The following LRRC1 variants were observed in gnomAD, a reference collection of about 807,000 sequenced individuals.
LRRC1 encodes leucine-rich repeat-containing protein 1.
In LRRC1, 28 loss-of-function variants were observed where a neutral mutation model predicts 69.9. The ratio of observed to expected loss-of-function variants is 0.40; its 90% confidence interval spans 0.30 to 0.55. The LOEUF (loss-of-function observed/expected upper bound fraction) is 0.55, where lower values mean the gene tolerates loss of function less well. LRRC1 is among the 20% of genes least tolerant of loss of function. The pLI is 0.47. For missense variants in LRRC1, 498 were observed against 609.0 expected, an observed-to-expected ratio of 0.82 and a Z score of 1.92; for synonymous variants, 236 against 240.2, an observed-to-expected ratio of 0.98 and a Z score of 0.16.
chr6:53,864,537 T>C (rs1766634425), intron 2 of LRRC1, among the ~76,000 whole-genome samples: 1 of 152,156 alleles, frequency 6.6e-6, no homozygotes, highest in Non-Finnish European at 1.5e-5. Flanking sequence ...AGCCCTGCTC[T>C]TTCACATGTC....
At position 53,912,554 on chromosome 6, in the gene LRRC1, T is replaced by G. The variant is rs182180118; in HGVS notation, c.991-1300T>G. ...GAGACAAATGTTAGTCTACATTTAC[T>G]TATATATTTATTTTTCTTTTATATA... On this transcript the variant is annotated intron_variant, in intron 10 of 13. Coordinates refer to ENST00000370888, the MANE Select transcript of LRRC1 (RefSeq NM_018214.5). Among the ~76,000 whole-genome samples, 1,461 of 152,300 alleles carry G rather than the reference T, an allele frequency of 9.6e-3. 7 individuals are homozygous for G. Among genetic ancestry groups the G allele is most frequent in the Middle Eastern group, 0.034 (10 of 294 alleles).
Position 53,879,087 on chromosome 6 carries a change from A to C in LRRC1, c.356+16A>C, listed in dbSNP as rs754190741. 6.3e-7 allele frequency: 1 copy of C among 1,589,064 alleles called. No homozygotes were observed. Among genetic ancestry groups the C allele is most frequent in the African/African-American group, 1.3e-5 (1 of 74,426 alleles). ...CACTGACTAGGTAAGCTTTCTGCTT[A>C]CTTTTCTGTCTATACTAGTAAGAGT... On this transcript the variant is annotated intron_variant, in intron 3 of 13. Transcript: ENST00000370888.
At chr6:53,892,853 G>C (rs941372536) in intron 4 of LRRC1, among the ~76,000 whole-genome samples, 1 of 152,202 alleles carries the variant, frequency 6.6e-6, no homozygotes, top group African/African-American at 2.4e-5. Context: ...TTTCATTCTA[G>C]AATCACTTAG....
intron 4 of LRRC1, among the ~76,000 whole-genome samples, chr6:53,895,213 C>T (rs533005941): frequency 2.6e-5 from 4 of 152,088 alleles, no homozygotes; most frequent in African/African-American, 4.8e-5. Flanking sequence ...CCACCGCGCC[C>T]GGCTGGGAGT....
chr6:53,827,092 G>A (rs970260157), intron 1 of LRRC1, among the ~76,000 whole-genome samples: 1 of 152,106 alleles, frequency 6.6e-6, no homozygotes, highest in African/African-American at 2.4e-5. Flanking sequence ...CTTGTGCCTG[G>A]AGATTATGCA....
At chr6:53,817,506 C>T (rs1210839044) in intron 1 of LRRC1, among the ~76,000 whole-genome samples, 4 of 152,068 alleles carry the variant, frequency 2.6e-5, no homozygotes, top group Non-Finnish European at 5.9e-5. Flanking sequence ...TAGCTCTATT[C>T]ACCATGCTGT....
At position 53,887,737 on chromosome 6, in the gene LRRC1, G is replaced by A. The variant is rs559176311; in HGVS notation, c.446+4761G>A. 3.3e-5 allele frequency among the ~76,000 whole-genome samples: 5 copies of A among 152,032 alleles called. No individual in the cohort carries two copies. In the South Asian group the frequency reaches 8.3e-4, roughly 25 times the overall value. Reference sequence around the variant, plus strand: ...TCTTTCATGGCCCTAATGTTGTTTCGTGAACCTTTTTGCATATTTGCAATT... The same window carrying A: ...TCTTTCATGGCCCTAATGTTGTTTCATGAACCTTTTTGCATATTTGCAATT... On this transcript the variant is annotated intron_variant, in intron 4 of 13. Coordinates refer to ENST00000370888, the MANE Select transcript of LRRC1 (RefSeq NM_018214.5).
chr6:53,795,123 G>A lies in LRRC1; in HGVS notation c.-134G>A. 3.9e-6 allele frequency: 3 copies of A among 776,408 alleles called. No homozygotes were observed. The highest frequency in any genetic ancestry group is 1.8e-5 in the African/African-American group (1 of 54,706). The allele number at this position is 776,408 out of a possible 1,614,324, so 48.1% of individuals were successfully genotyped here. ...CACTTCCGACCGCGAAGCCCGGCGCGAGAAGCGAGCTAACCCAAGAGCCAA... is the reference window on the plus strand; with the variant it reads ...CACTTCCGACCGCGAAGCCCGGCGCAAGAAGCGAGCTAACCCAAGAGCCAA... On this transcript the variant is annotated 5_prime_UTR_variant, in exon 1 of 14. Transcript: ENST00000370888.
chr6:53,807,702 G>A (rs1365026818), intron 1 of LRRC1, among the ~76,000 whole-genome samples: 3 of 152,104 alleles, frequency 2.0e-5, no homozygotes, highest in Non-Finnish European at 4.4e-5. Flanking sequence ...CCAAGATCAC[G>A]CCATTACACT....
At chr6:53,809,212 G>C (rs768100558) in intron 1 of LRRC1, among the ~76,000 whole-genome samples, 1 of 152,152 alleles carries the variant, frequency 6.6e-6, no homozygotes, top group South Asian at 2.1e-4. Context: ...CATTAGTCTT[G>C]ACTGTAAAGG....
Position 53,879,024 on chromosome 6 carries a change from C to T in LRRC1, c.309C>T (p.Phe103=). The T allele has an allele frequency of 6.2e-7, 1 of 1,613,086 alleles. No individual in the cohort carries two copies. Among genetic ancestry groups the T allele is most frequent in the Non-Finnish European group, 8.5e-7 (1 of 1,179,374 alleles). ...EIPEIPESIS[F]CKALQVADFS... ...CTGAAATTCCAGAAAGCATTTCATTCTGTAAAGCACTGCAGGTAGCTGACT... is the reference window on the plus strand; with the variant it reads ...CTGAAATTCCAGAAAGCATTTCATTTTGTAAAGCACTGCAGGTAGCTGACT... The change falls in exon 3 of 14, where the codon TTC becomes TTT. Residue 103 remains phenylalanine, a synonymous_variant. Transcript: ENST00000370888.
At chr6:53,848,733 T>C (rs1766027257) in intron 2 of LRRC1, among the ~76,000 whole-genome samples, 1 of 151,384 alleles carries the variant, frequency 6.6e-6, no homozygotes, top group Admixed American at 6.6e-5. Flanking sequence ...GAATAAGTTG[T>C]AGGCTTACAT....
At chr6:53,880,959 T>G (rs955938225) in intron 3 of LRRC1, among the ~76,000 whole-genome samples, 11 of 152,212 alleles carry the variant, frequency 7.2e-5, no homozygotes, top group African/African-American at 2.7e-4. Context: ...CGTATTCCTT[T>G]TTTCTATTTC....
intron 4 of LRRC1, among the ~76,000 whole-genome samples, chr6:53,890,730 C>T (rs1314043511): frequency 2.6e-5 from 4 of 152,016 alleles, no homozygotes; most frequent in Non-Finnish European, 5.9e-5. Context: ...TTTTTGAATT[C>T]TAATTTGATG....
chr6:53,800,181 C>G (rs183495953), intron 1 of LRRC1, among the ~76,000 whole-genome samples: 1 of 151,486 alleles, frequency 6.6e-6, no homozygotes, highest in East Asian at 1.9e-4. Flanking sequence ...AGTTAGCTCT[C>G]AGATGTCTAA....
intron 1 of LRRC1, among the ~76,000 whole-genome samples, chr6:53,808,395 T>C (rs1048108601): frequency 1.3e-5 from 2 of 152,120 alleles, no homozygotes; most frequent in African/African-American, 4.8e-5. Context: ...AGTTGAGTCA[T>C]GGCAGAAGTT....
At chr6:53,891,388 A>G (rs1347797723) in intron 4 of LRRC1, among the ~76,000 whole-genome samples, 1 of 152,186 alleles carries the variant, frequency 6.6e-6, no homozygotes, top group Non-Finnish European at 1.5e-5. Flanking sequence ...AAAGGTATCC[A>G]TAGACAGTAA....
intron 2 of LRRC1, among the ~76,000 whole-genome samples, chr6:53,875,352 A>T (rs1427129123): frequency 6.6e-6 from 1 of 152,222 alleles, no homozygotes; most frequent in African/African-American, 2.4e-5. Flanking sequence ...AGAAATAATG[A>T]TAAGAGAAAA....
Position 53,795,413 on chromosome 6 carries a change from G to T in LRRC1, c.157G>T (p.Glu53Ter), listed in dbSNP as rs769150436. 3 of 1,610,798 alleles carry T rather than the reference G, an allele frequency of 1.9e-6. No homozygotes were observed. Among genetic ancestry groups the T allele is most frequent in the Non-Finnish European group, 2.5e-6 (3 of 1,179,486 alleles). ...CGCCAACCAGCTCCGCGAGCTGCCCGAGGTAAGGGTCCGGCCTCACCTGAG... is the reference window on the plus strand; with the variant it reads ...CGCCAACCAGCTCCGCGAGCTGCCCTAGGTAAGGGTCCGGCCTCACCTGAG... ...LDANQLRELP[E>*]QFFQLVKLRK... Residue 53 changes from glutamate (E) to a stop codon, truncating the protein, a stop_gained and splice_region_variant, in exon 1 of 14, where the codon GAG becomes TAG. Transcript: ENST00000370888. LOFTEE classifies it high-confidence loss of function.
Sources: allele counts gnomAD v4.1 joint callset (sites outside exome capture counted in the v4.1 genomes callset), GRCh38; gene constraint gnomAD v4.1.1; transcripts MANE v1.5; gene names NCBI Gene and HGNC (gene_info 2026-07-23, HGNC 2026-07-21).